TTN: variants seen among roughly 807,000 people sequenced by gnomAD.
The protein encoded by TTN is connectin.
A neutral mutation model predicts 3,223.0 loss-of-function variants in TTN; 1,525 were observed. The ratio of observed to expected loss-of-function variants is 0.47; its 90% CI spans 0.45 to 0.49. The LOEUF (loss-of-function observed/expected upper bound fraction) is 0.49. Ranked by LOEUF, TTN falls within the 20% of genes least tolerant of loss-of-function variation. The pLI, the probability that TTN is intolerant of heterozygous loss-of-function variation, is 0.00. For missense variants in TTN, 40,786 were observed against 43,424.0 expected (o/e 0.94, Z 5.40); for synonymous variants, 14,094 against 15,161.0 (o/e 0.93, Z 5.17).
chr2:178,727,090 C>A lies in TTN; in HGVS notation c.20275G>T (p.Glu6759Ter). Residue 6759 changes from glutamate (E) to a stop codon, truncating the protein, a stop_gained and splice_region_variant, in exon 69 of 363, where the codon GAG (glutamate) becomes TAG (stop). Transcript: ENST00000589042. LOFTEE classifies it high-confidence loss of function. ...TSCSTKVIVK[E>*]PPVFSSFPPI... ...AGAAACACAAGAACAAGATGTCTAC[C>A]TTTTACTATAACCTTGGTACTGCAG... is the stretch of plus-strand genomic sequence containing the variant. The A allele has an allele frequency of 6.6e-7, 1 of 1,512,014 alleles. No individual in the cohort carries two copies. Among genetic ancestry groups the A allele is most frequent in the Non-Finnish European group, 8.9e-7 (1 of 1,125,568 alleles). 93.7% of individuals were successfully genotyped at this position (1,512,014 alleles called of 1,614,324 possible). A position where few individuals can be genotyped will look rare whatever the true frequency, so the allele number is the denominator to read the frequency against.
At position 178,787,764 on chromosome 2, in the gene TTN, G is replaced by GT. The variant is rs577795384; in HGVS notation, c.2076+1595dup. Among the ~76,000 whole-genome samples the GT allele has an allele frequency of 4.8e-3, 735 of 152,180 alleles. 2 individuals carry two copies. The highest frequency in any genetic ancestry group is 7.9e-3 in the South Asian group (38 of 4,822). On this transcript the variant is annotated intron_variant, in intron 13 of 362. Coordinates refer to ENST00000589042, the MANE Select transcript of TTN (RefSeq NM_001267550.2). ...TTTTAAATTGAGGAAGCATCTGTCT[G>GT]TTTTTTCCTTGAATTATTGTATATC...
chr2:178,546,246 C>G lies in TTN; in HGVS notation c.95085G>C (p.Gly31695=). The G allele has an allele frequency of 1.2e-6, 2 of 1,613,024 alleles. No homozygotes were observed. The highest frequency in any genetic ancestry group is 1.7e-6 in the Non-Finnish European group (2 of 1,179,144). ...TGACCATGACAGACACGGCCTTGGT[C>G]CCGCTGGCATTTTTCACTGTTAAAG... ...KYTLTVKNAS[G]TKAVSVMVKV... Residue 31695 remains glycine, a synonymous_variant, in exon 342 of 363, where the codon GGG becomes GGC. Transcript: ENST00000589042.
Position 178,574,776 on chromosome 2 carries a change from A to G in TTN, c.71356T>C (p.Tyr23786His). 6.2e-7 allele frequency: 1 copy of G among 1,612,226 alleles called. No individual in the cohort carries two copies. The change falls in exon 326 of 363, where the codon TAT becomes CAT. Residue 23786 changes from tyrosine to histidine, a missense_variant. Coordinates refer to ENST00000589042, the MANE Select transcript of TTN (RefSeq NM_001267550.2). ...CCAGTAGTAAGGCGGGTGGCTTTAT[A>G]GGTAGTACGTATAACGGTGGTTGCT... ...ELATTVIRTTYKATRLTTGLE... is the reference protein window; with the variant it reads ...ELATTVIRTTHKATRLTTGLE...
At position 178,711,089 on chromosome 2, in the gene TTN, A is replaced by AAGC. The variant is rs1451744174; in HGVS notation, c.28144_28146dup (p.Ala9382dup). Reference sequence around the variant, plus strand: ...GTGAGAATGAGCCTGGCACTGGAAGAAGCAGAGCCTATAGGGTTTGTAGCT... The same window carrying AAGC: ...GTGAGAATGAGCCTGGCACTGGAAGAAGCAGCAGAGCCTATAGGGTTTGTAGCT... On this transcript the variant is annotated inframe_insertion, in exon 97 of 363. Coordinates refer to ENST00000589042, the MANE Select transcript of TTN (RefSeq NM_001267550.2). The AAGC allele has an allele frequency of 6.2e-7, 1 of 1,602,594 alleles. No individual in the cohort carries two copies. Among genetic ancestry groups the AAGC allele is most frequent in the Non-Finnish European group, 8.5e-7 (1 of 1,174,090 alleles).
At chr2:178,719,957 T>C in intron 81 of TTN, 26 bp downstream of exon 81, 14 of 1,560,308 alleles carry the variant, frequency 9.0e-6, no homozygotes, top group Non-Finnish European at 1.2e-5. Context: ...AATTGATTTT[T>C]TCTCTGGCTG....
At chr2:178,803,814 C>T (rs970164101) in intron 2 of TTN, among the ~76,000 whole-genome samples, 4 of 151,534 alleles carry the variant, frequency 2.6e-5, no homozygotes, top group Non-Finnish European at 5.9e-5. Flanking sequence ...CACTACTCTC[C>T]ATTTTTTCAT....
intron 43 of TTN, among the ~76,000 whole-genome samples, chr2:178,763,180 T>C: frequency 6.6e-6 from 1 of 152,216 alleles, no homozygotes; most frequent in East Asian, 1.9e-4. Context: ...ATTGTGATTA[T>C]AGACAATCAG....
At position 178,586,794 on chromosome 2, in the gene TTN, G is replaced by T; in HGVS notation, c.64107C>A (p.Pro21369=). ...TTTCAGTCACTTCTAATTTCCTTGG[G>T]GGATCCGGCTCACCTAGAAGAAAAA... ...LASDPLSEPD[P]PRKLEVTEMT... Residue 21369 remains proline, a synonymous_variant, in exon 308 of 363, where the codon CCC becomes CCA. Transcript: ENST00000589042. 1 of 1,611,564 alleles carries T rather than the reference G, an allele frequency of 6.2e-7. No homozygotes were observed. The highest frequency in any genetic ancestry group is 1.3e-5 in the African/African-American group (1 of 74,826).
chr2:178,601,209 A>G (rs756176611), intron 287 of TTN, 38 bp from the exon 288 acceptor site: 1 of 1,518,532 alleles, frequency 6.6e-7, no homozygotes, highest in Non-Finnish European at 8.8e-7. Context: ...AGCGTTGTTT[A>G]TAATAATATA....
rs727504921 is a variant in TTN at position 178,572,075 on chromosome 2, G to A, written c.74057C>T (p.Ser24686Phe). Residue 24686 changes from serine (S) to phenylalanine (F), a missense_variant, in exon 326 of 363, where the codon TCT (serine) becomes TTT (phenylalanine). Transcript: ENST00000589042. ...ITGLIQGEEY[S>F]FRVSAQNEKG... ...TTCATTCTGAGCTGAAACACGGAAA[G>A]AGTATTCTTCACCCTGAATTAATCC... The A allele has an allele frequency of 2.5e-6, 4 of 1,613,272 alleles. No homozygotes were observed. The highest frequency in any genetic ancestry group is 3.4e-6 in the Non-Finnish European group (4 of 1,179,572).
In TTN at chr2:178,530,392, G is replaced by A; in HGVS notation, c.106223C>T (p.Thr35408Ile). ...AATTGGTTCAGGAGCTTTTGGTTCA[G>A]TTTTTCTGGTTACTGTTGACTCAGT... is the stretch of plus-strand genomic sequence containing the variant. Reference protein sequence around the residue: ...KTTESTVTRKTEPKAPEPISS... With the variant: ...KTTESTVTRKIEPKAPEPISS... Residue 35408 changes from threonine (T) to isoleucine (I), a missense_variant, in exon 358 of 363, where the codon ACT (threonine) becomes ATT (isoleucine). Thr to Ile is a moderately conservative substitution (Grantham distance 89). Coordinates refer to ENST00000589042, the MANE Select transcript of TTN (RefSeq NM_001267550.2). 6.2e-7 allele frequency: 1 copy of A among 1,613,920 alleles called. No individual in the cohort carries two copies. Among genetic ancestry groups the A allele is most frequent in the Non-Finnish European group, 8.5e-7 (1 of 1,179,856 alleles).
At chr2:178,734,649 T>C (rs183489965) in intron 51 of TTN, 43 bp from the exon 52 acceptor site, 15 of 1,565,180 alleles carry the variant, frequency 9.6e-6, no homozygotes, top group Middle Eastern at 1.7e-4. Flanking sequence ...GGGTAATAAG[T>C]AATTAAAAGG....
rs997839037 is a variant in TTN, at chr2:178,647,482, T to C, written c.40058-18A>G. On this transcript the variant is annotated intron_variant, in intron 213 of 362. Coordinates refer to ENST00000589042, the MANE Select transcript of TTN (RefSeq NM_001267550.2). ...TTTGGGCACTTTAAAGATATGATTT[T>C]GTTTACTATTAAGAATTTAGAAGAC... is the stretch of plus-strand genomic sequence containing the variant. 1 of 1,548,650 alleles carries C rather than the reference T, an allele frequency of 6.5e-7. No homozygotes were observed.
At position 178,625,267 on chromosome 2, in the gene TTN, A is replaced by G; in HGVS notation, c.44548+6T>C. ...TACATGTTTTTAAAATAAGCCTTGT[A>G]ATTACCTTTCACAAAGAGGTTGGCG... On this transcript the variant is annotated splice_donor_region_variant and intron_variant, in intron 241 of 362. Transcript: ENST00000589042. 2 of 1,604,524 alleles carry G rather than the reference A, an allele frequency of 1.2e-6. No individual in the cohort carries two copies. Among genetic ancestry groups the G allele is most frequent in the Non-Finnish European group, 8.5e-7 (1 of 1,175,828 alleles).
rs780539951 is a variant in TTN, at chr2:178,569,605, G to A, written c.76527C>T (p.Asp25509=). 40 of 1,612,200 alleles carry A rather than the reference G, an allele frequency of 2.5e-5. No homozygotes were observed. The highest frequency in any genetic ancestry group is 1.7e-4 in the Admixed American group (10 of 59,736). ...IIVEEKLEAP[D]IDLDLELRKI... ...TCCTTAGTTCTAGGTCAAGATCAAT[G>A]TCTGGTGCTTCTAATTTTTCTTCAA... The change falls in exon 326 of 363, where the codon GAC becomes GAT. Residue 25509 remains aspartate (D), a synonymous_variant. Coordinates refer to ENST00000589042, the MANE Select transcript of TTN (RefSeq NM_001267550.2).
In TTN at chr2:178,723,400, G is replaced by T. The variant is rs777303422; in HGVS notation, c.21682+18C>A. 1.9e-6 allele frequency: 3 copies of T among 1,605,292 alleles called. No individual in the cohort carries two copies. The highest frequency in any genetic ancestry group is 2.6e-6 in the Non-Finnish European group (3 of 1,175,360). On this transcript the variant is annotated intron_variant, in intron 74 of 362. Coordinates refer to ENST00000589042, the MANE Select transcript of TTN (RefSeq NM_001267550.2). ...TCGGTATACAGAAAACAGAAAAAGT[G>T]AATCCACTTGAGCAAACCTTTCACA...
chr2:178,702,656 T>C lies in TTN; in HGVS notation c.30231A>G (p.Pro10077=), dbSNP rs74324101. 5.2e-4 allele frequency: 842 copies of C among 1,612,452 alleles called. 6 individuals carry two copies. In the African/African-American group the frequency reaches 9.4e-3, roughly 18 times the overall value. Residue 10077 remains proline (P), a synonymous_variant, in exon 107 of 363, where the codon CCA becomes CCG. Transcript: ENST00000589042. The part of the protein sequence containing the change: ...TSAELRIEAE[P]IQFTKRIQNI... ...TCTGTATGCGCTTTGTAAACTGAAT[T>C]GGTTCAGCTGTTTAAGTACAAAGAG...
chr2:178,762,878 T>C (rs890952225), intron 43 of TTN, among the ~76,000 whole-genome samples: 8 of 152,210 alleles, frequency 5.3e-5, no homozygotes, highest in African/African-American at 1.9e-4. Flanking sequence ...ATAGGTGCTT[T>C]ACATACATTA....
At position 178,670,287 on chromosome 2, in the gene TTN, C is replaced by T. The variant is rs1172104191; in HGVS notation, c.35317G>A (p.Val11773Met). The T allele has an allele frequency of 6.8e-7, 1 of 1,479,294 alleles. No individual in the cohort carries two copies. Among genetic ancestry groups the T allele is most frequent in the East Asian group, 2.5e-5 (1 of 39,496 alleles). 91.6% of individuals were successfully genotyped at this position (1,479,294 alleles called of 1,614,324 possible). A position where few individuals can be genotyped will look rare whatever the true frequency, so the allele number is the denominator to read the frequency against. The change falls in exon 157 of 363, where the codon GTG becomes ATG. Residue 11773 changes from valine to methionine, a missense_variant. Coordinates refer to ENST00000589042, the MANE Select transcript of TTN (RefSeq NM_001267550.2). ...TCTTCTACCACAATTTTCTTAGGCACCTCCGGTACTTTAAAGATAATAGTA... is the reference window on the plus strand; with the variant it reads ...TCTTCTACCACAATTTTCTTAGGCATCTCCGGTACTTTAAAGATAATAGTA... ...RKEPPAKVPEVPKKIVVEEKV... is the reference protein window; with the variant it reads ...RKEPPAKVPEMPKKIVVEEKV...
Sources: allele counts gnomAD v4.1 joint callset (sites outside exome capture counted in the v4.1 genomes callset), GRCh38; gene constraint gnomAD v4.1.1; transcripts MANE v1.5; gene names NCBI Gene and HGNC (gene_info 2026-07-23, HGNC 2026-07-21).